PSD3: variants seen among roughly 807,000 people sequenced by gnomAD.
The protein encoded by PSD3 is PH and SEC7 domain-containing protein 3.
PSD3 carries 49 observed loss-of-function variants against 105.5 expected under a neutral mutation model. The ratio of observed to expected loss-of-function variants is 0.46; its 90% confidence interval spans 0.37 to 0.59. PSD3 has a LOEUF of 0.59. PSD3 is among the 20% of genes least tolerant of loss of function. PSD3 has a pLI of 0.00. For synonymous variants in PSD3, 557 were observed against 457.8 expected, an observed-to-expected ratio of 1.22 and a Z score of -2.77; for missense variants, 1,561 against 1,263.8, an observed-to-expected ratio of 1.24 and a Z score of -3.57.
Position 18,600,445 on chromosome 8 carries a change from G to A in PSD3, c.2411-11C>T. ...GTTTTCCTCTTGGAGCTAGAAAGGG[G>A]GAAAAAATGTAAAATTTTATTTGAC... On this transcript the variant is annotated splice_polypyrimidine_tract_variant and intron_variant, in intron 11 of 15. Coordinates refer to ENST00000327040, the MANE Select transcript of PSD3 (RefSeq NM_015310.4). 6.3e-7 allele frequency: 1 copy of A among 1,576,908 alleles called. No individual in the cohort carries two copies. The highest frequency in any genetic ancestry group is 1.2e-5 in the South Asian group (1 of 86,372).
chr8:18,628,583 T>TA (rs575593340), intron 11 of PSD3, among the ~76,000 whole-genome samples: 2 of 151,312 alleles, frequency 1.3e-5, no homozygotes, highest in South Asian at 2.1e-4. Context: ...GGGGTAAAAG[T>TA]AAAAAAAAGG....
intron 4 of PSD3, among the ~76,000 whole-genome samples, chr8:18,853,325 C>T (rs1815742742): frequency 6.6e-6 from 1 of 152,144 alleles, no homozygotes; most frequent in Non-Finnish European, 1.5e-5. Flanking sequence ...ATTGACTACC[C>T]TGGAAGATCA....
At chr8:18,565,356 C>T (rs981375705) in intron 14 of PSD3, among the ~76,000 whole-genome samples, 3 of 152,062 alleles carry the variant, frequency 2.0e-5, no homozygotes, top group African/African-American at 7.2e-5. Context: ...GTCTTTCCAC[C>T]CCCAATAGAA....
At chr8:19,025,544 G>A (rs1827517600) in intron 1 of PSD3, among the ~76,000 whole-genome samples, 1 of 152,168 alleles carries the variant, frequency 6.6e-6, no homozygotes, top group African/African-American at 2.4e-5. Flanking sequence ...GGTGTCAAGA[G>A]CCTGGGCACT....
At chr8:19,080,696 A>G (rs1298822646) in intron 1 of PSD3, among the ~76,000 whole-genome samples, 1 of 152,180 alleles carries the variant, frequency 6.6e-6, no homozygotes, top group East Asian at 1.9e-4. Context: ...TCAAAGCTCA[A>G]AAAGTGAATT....
chr8:18,940,484 C>A (rs555343454), intron 1 of PSD3: 1 of 152,284 alleles, frequency 6.6e-6, no homozygotes, highest in Non-Finnish European at 1.5e-5. Flanking sequence ...AGGGACTGCT[C>A]GACCTAGAAG....
At chr8:19,015,226 T>G (rs1827140303), upstream of PSD3, among the ~76,000 whole-genome samples, 1 of 152,200 alleles carries the variant, frequency 6.6e-6, no homozygotes. Context: ...ACAAGCTCTC[T>G]CTTGGCCTAC....
intron 1 of PSD3, among the ~76,000 whole-genome samples, chr8:18,966,947 T>A (rs772716101): frequency 2.0e-4 from 31 of 152,146 alleles, no homozygotes; most frequent in Non-Finnish European, 4.0e-4. Context: ...AGGTGCACTT[T>A]GCTATTAAGT....
chr8:18,814,264 T>C (rs1039071105), intron 4 of PSD3, among the ~76,000 whole-genome samples: 1 of 152,204 alleles, frequency 6.6e-6, no homozygotes, highest in Non-Finnish European at 1.5e-5. Context: ...ACCCGCCGCA[T>C]ACCTTCCAAA....
rs191511849 is a variant in PSD3, at chr8:18,652,939, G to T, written c.2216+2703C>A. Among the ~76,000 whole-genome samples, 66 of 152,232 alleles carry T rather than the reference G, an allele frequency of 4.3e-4. 1 individual carries two copies. Among genetic ancestry groups the T allele is most frequent in the African/African-American group, 1.5e-3 (63 of 41,554 alleles). ...ATAAGATTCAGTGATTTAATAAATTGGGGTATTGGCCATTTATTTCCTACA... is the reference window on the plus strand; with the variant it reads ...ATAAGATTCAGTGATTTAATAAATTTGGGTATTGGCCATTTATTTCCTACA... On this transcript the variant is annotated intron_variant, in intron 10 of 15. Coordinates refer to ENST00000327040, the MANE Select transcript of PSD3 (RefSeq NM_015310.4).
intron 2 of PSD3, among the ~76,000 whole-genome samples, chr8:18,935,561 G>A (rs1256328161): frequency 6.6e-6 from 1 of 151,438 alleles, no homozygotes; most frequent in African/African-American, 2.4e-5. Flanking sequence ...GTCAGGTGTG[G>A]TGGCATATGC....
chr8:18,662,763 C>A lies in PSD3; in HGVS notation c.2173-7078G>T, dbSNP rs17644570. On this transcript the variant is annotated intron_variant, in intron 9 of 15. Coordinates refer to ENST00000327040, the MANE Select transcript of PSD3 (RefSeq NM_015310.4). ...TAGTCCTTTCTTTAGTCTCTGCTCCCTTTTCCTGTGTTCCTCACTAAATAT... is the reference window on the plus strand; with the variant it reads ...TAGTCCTTTCTTTAGTCTCTGCTCCATTTTCCTGTGTTCCTCACTAAATAT... Among the ~76,000 whole-genome samples, 831 of 152,322 alleles carry A rather than the reference C, an allele frequency of 5.5e-3. 8 individuals are homozygous for A. The highest frequency in any genetic ancestry group is 0.019 in the African/African-American group (798 of 41,572).
intron 12 of PSD3, among the ~76,000 whole-genome samples, chr8:18,595,633 AC>A (rs1804038613): frequency 1.3e-5 from 2 of 152,106 alleles, no homozygotes; most frequent in African/African-American, 4.8e-5. Context: ...GGGTAGCCAT[AC>A]TTATATTATA....
At chr8:18,922,852 G>T (rs13260700) in intron 2 of PSD3, among the ~76,000 whole-genome samples, 1 of 152,038 alleles carries the variant, frequency 6.6e-6, no homozygotes, top group Non-Finnish European at 1.5e-5. Flanking sequence ...GGGATGCATG[G>T]GGCAAGGCAT....
chr8:19,007,383 CG>C (rs1175327743), intron 1 of PSD3, among the ~76,000 whole-genome samples: 1 of 152,004 alleles, frequency 6.6e-6, no homozygotes, highest in East Asian at 1.9e-4. Flanking sequence ...TTTAAATTAT[CG>C]AAATTAAATA....
chr8:18,737,052 G>T (rs957873670), intron 9 of PSD3, among the ~76,000 whole-genome samples: 2 of 152,138 alleles, frequency 1.3e-5, no homozygotes, highest in Non-Finnish European at 2.9e-5. Context: ...CTGCTTTTGT[G>T]GTTTAGTTGT....
chr8:18,909,667 A>G (rs944985200), intron 2 of PSD3, among the ~76,000 whole-genome samples: 7 of 152,030 alleles, frequency 4.6e-5, no homozygotes, highest in Non-Finnish European at 8.8e-5. Context: ...TATTTTTAGT[A>G]GAGATGGAGT....
chr8:18,538,352 C>T (rs1215058590), intron 15 of PSD3, among the ~76,000 whole-genome samples: 1 of 152,168 alleles, frequency 6.6e-6, no homozygotes, highest in Non-Finnish European at 1.5e-5. Flanking sequence ...TAAAAAATGT[C>T]ATCAGTATCA....
At chr8:18,560,262 C>T (rs149828636) in intron 14 of PSD3, among the ~76,000 whole-genome samples, 1 of 151,062 alleles carries the variant, frequency 6.6e-6, no homozygotes, top group East Asian at 1.9e-4. Context: ...TAAAAAACAA[C>T]GGGAGAGAGG....
Sources: gnomAD v4.1 joint callset for allele counts (sites outside exome capture counted in the v4.1 genomes callset) on GRCh38, gnomAD v4.1.1 for gene constraint, MANE v1.5 for transcripts, NCBI Gene and HGNC (gene_info 2026-07-23, HGNC 2026-07-21) for gene names.